Variants in ADAM19 observed in about 807,000 individuals in gnomAD.
ADAM19 encodes the protein disintegrin and metalloproteinase domain-containing protein 19.
Under a neutral mutation model 114.7 loss-of-function variants are expected in ADAM19, and 65 were observed. The ratio of observed to expected loss-of-function variants is 0.57; its 90% confidence interval spans 0.46 to 0.70. The LOEUF (loss-of-function observed/expected upper bound fraction) is 0.70. Ranked by LOEUF, ADAM19 falls within the 30% of genes least tolerant of loss-of-function variation. The pLI is 0.00. For synonymous variants in ADAM19, 466 were observed against 460.5 expected (o/e 1.01, Z -0.15); for missense variants, 1,063 against 1,204.7 (o/e 0.88, Z 1.74).
At chr5:157,504,710 C>T (rs1380472321) in intron 11 of ADAM19, among the ~76,000 whole-genome samples, 7 of 152,186 alleles carry the variant, frequency 4.6e-5, no homozygotes, top group Admixed American at 2.0e-4. Context: ...AAGGTCCCAA[C>T]GTGATGCCTT....
At chr5:157,553,123 C>A (rs1757251117) in intron 3 of ADAM19, among the ~76,000 whole-genome samples, 1 of 152,110 alleles carries the variant, frequency 6.6e-6, no homozygotes, top group African/African-American at 2.4e-5. Context: ...TATTTGATAG[C>A]ACAACAAGGT....
Position 157,491,839 on chromosome 5 carries a change from T to C in ADAM19, c.1982A>G (p.His661Arg), listed in dbSNP as rs758368854. 3.1e-6 allele frequency: 5 copies of C among 1,614,194 alleles called. No individual in the cohort carries two copies. The highest frequency in any genetic ancestry group is 2.2e-5 in the East Asian group (1 of 44,886). ...TEGCGKKCNG[H>R]GVCNNNQNCH... ...AAGCCAGAACCCAGCACGCACCCCA[T>C]GGCCATTGCACTTCTTCCCACAGCC... The change falls in exon 17 of 23, where the codon CAT (histidine) becomes CGT (arginine). Residue 661 changes from histidine to arginine, a missense_variant. His to Arg is a conservative substitution (Grantham distance 29, BLOSUM62 0). Coordinates refer to ENST00000257527, the MANE Select transcript of ADAM19 (RefSeq NM_033274.5).
At chr5:157,540,916 C>T (rs1042220963) in intron 3 of ADAM19, among the ~76,000 whole-genome samples, 2 of 152,206 alleles carry the variant, frequency 1.3e-5, no homozygotes, top group African/African-American at 2.4e-5. Context: ...CACCTAATCA[C>T]CCTTTCTGAA....
chr5:157,534,961 A>G lies in ADAM19; in HGVS notation c.330+2952T>C, dbSNP rs200400103. Among the ~76,000 whole-genome samples, 15 of 152,308 alleles carry G rather than the reference A, an allele frequency of 9.8e-5. No homozygotes were observed. In the East Asian group the frequency reaches 2.7e-3, roughly 27 times the overall value. The stretch of plus-strand genomic sequence containing the variant: ...TCTAGCAACAAAGGAGACAAGTTCT[A>G]GCCTAAGCCTTGCCACTTACTGGTT... On this transcript the variant is annotated intron_variant, in intron 4 of 22. Transcript: ENST00000257527.
At chr5:157,510,548 C>T (rs763338566) in intron 8 of ADAM19, among the ~76,000 whole-genome samples, 3 of 152,218 alleles carry the variant, frequency 2.0e-5, no homozygotes, top group Non-Finnish European at 4.4e-5. Flanking sequence ...GGTGAGATCC[C>T]TCATGTCTAT....
intron 3 of ADAM19, 82 bp downstream of exon 3, chr5:157,564,290 TC>T: frequency 7.5e-7 from 1 of 1,325,836 alleles, no homozygotes; most frequent in Non-Finnish European, 1.1e-6. Context: ...ATTGACTGCT[TC>T]CTTCCAGAAC....
Position 157,509,343 on chromosome 5 carries a change from T to C in ADAM19, c.863A>G (p.Lys288Arg). 6.2e-7 allele frequency: 1 copy of C among 1,612,582 alleles called. No homozygotes were observed. Among genetic ancestry groups the C allele is most frequent in the Non-Finnish European group, 8.5e-7 (1 of 1,179,076 alleles). The change falls in exon 9 of 23, where the codon AAG (lysine) becomes AGG (arginine). Residue 288 changes from lysine to arginine, a missense_variant. Lys to Arg is a conservative substitution (Grantham distance 26, BLOSUM62 2). This residue lies in a region of ADAM19 where 615 missense variants were observed against 706.3 expected (regional missense o/e 0.87). Coordinates refer to ENST00000257527, the MANE Select transcript of ADAM19 (RefSeq NM_033274.5). ...TLWSFLSWRR[K>R]LLAQKYHDNA... The stretch of plus-strand genomic sequence containing the variant: ...GTCATGGTACTTCTGGGCAAGCAGC[T>C]TGCGCCTCCAACTGAGAAAGGACCA...
chr5:157,497,699 C>T (rs1755410377), intron 13 of ADAM19, among the ~76,000 whole-genome samples: 1 of 152,304 alleles, frequency 6.6e-6, no homozygotes, highest in South Asian at 2.1e-4. Context: ...GTGACATACA[C>T]GTATCTCGTG....
intron 7 of ADAM19, among the ~76,000 whole-genome samples, chr5:157,516,168 C>A (rs116610855): frequency 1.9e-3 from 286 of 152,238 alleles, no homozygotes; most frequent in African/African-American, 6.7e-3. Context: ...GGGGATGATT[C>A]GTGAGCCTGT....
At chr5:157,535,003 G>A (rs1300604574) in intron 4 of ADAM19, among the ~76,000 whole-genome samples, 1 of 152,056 alleles carries the variant, frequency 6.6e-6, no homozygotes, top group Non-Finnish European at 1.5e-5. Context: ...ACTTGGGCAA[G>A]TTACTTTTCC....
intron 12 of ADAM19, among the ~76,000 whole-genome samples, chr5:157,501,343 A>C (rs542275318): frequency 1.3e-5 from 2 of 152,116 alleles, no homozygotes; most frequent in Non-Finnish European, 2.9e-5. Context: ...TCCCCCTCAC[A>C]TTATATATGT....
chr5:157,486,771 G>A (rs534388551), intron 21 of ADAM19, among the ~76,000 whole-genome samples: 1 of 151,846 alleles, frequency 6.6e-6, no homozygotes, highest in Non-Finnish European at 1.5e-5. Context: ...CTCTGTTAGG[G>A]ACTGAACTGT....
chr5:157,509,185 A>G, intron 9 of ADAM19, 116 bp downstream of exon 9: 3 of 1,023,746 alleles, frequency 2.9e-6, no homozygotes, highest in Non-Finnish European at 4.1e-6. Flanking sequence ...TGGACCAGGG[A>G]GTCAGAATGG....
At chr5:157,483,078 G>A (rs1343864451) in intron 21 of ADAM19, among the ~76,000 whole-genome samples, 1 of 152,096 alleles carries the variant, frequency 6.6e-6, no homozygotes, top group Non-Finnish European at 1.5e-5. Flanking sequence ...GGGGCTAGGG[G>A]AGGGATAGCA....
chr5:157,559,180 C>T (rs1465641446), intron 3 of ADAM19, among the ~76,000 whole-genome samples: 1 of 152,220 alleles, frequency 6.6e-6, no homozygotes, highest in Non-Finnish European at 1.5e-5. Context: ...AACAAACGCC[C>T]GTTCTTATTA....
intron 3 of ADAM19, among the ~76,000 whole-genome samples, chr5:157,541,841 ATCT>A (rs1326775172): frequency 2.6e-5 from 4 of 152,238 alleles, no homozygotes; most frequent in African/African-American, 4.8e-5. Context: ...TTTGCAAAAC[ATCT>A]TCTGGGAGCT....
rs148150469 is a variant in ADAM19, at chr5:157,496,158, T to C, written c.1594+736A>G. Among the ~76,000 whole-genome samples, 1,227 of 152,186 alleles carry C rather than the reference T, an allele frequency of 8.1e-3. 10 individuals carry two copies. Among genetic ancestry groups the C allele is most frequent in the African/African-American group, 0.027 (1,132 of 41,482 alleles). ...CCACCAAATCTGGCTTGAAAGCATA[T>C]TTTATTTGCTGTTCTACACCTTGCA... is the stretch of plus-strand genomic sequence containing the variant. On this transcript the variant is annotated intron_variant, in intron 14 of 22. Coordinates refer to ENST00000257527, the MANE Select transcript of ADAM19 (RefSeq NM_033274.5).
chr5:157,526,669 G>A (rs1756472679), intron 5 of ADAM19, among the ~76,000 whole-genome samples: 1 of 150,540 alleles, frequency 6.6e-6, no homozygotes, highest in South Asian at 2.1e-4. Flanking sequence ...CGCCCAAGCT[G>A]GAGTGCAGTG....
chr5:157,503,350 C>G (rs983012919), intron 11 of ADAM19, among the ~76,000 whole-genome samples: 1 of 152,030 alleles, frequency 6.6e-6, no homozygotes, highest in African/African-American at 2.4e-5. Context: ...TGTAGGGTAG[C>G]AAGAGGCGGG....
Sources: allele counts gnomAD v4.1 joint callset (sites outside exome capture counted in the v4.1 genomes callset), GRCh38; gene constraint gnomAD v4.1.1; regional missense constraint gnomAD v4.1.1; transcripts MANE v1.5; gene names NCBI Gene and HGNC (gene_info 2026-07-23, HGNC 2026-07-21).